The following AGBL1 variants were observed in gnomAD, a reference collection of about 807,000 sequenced individuals.
The protein encoded by AGBL1 is AGBL carboxypeptidase 1.
AGBL1 carries 130 observed loss-of-function variants against 118.9 expected under a neutral mutation model. The observed-to-expected ratio is 1.09, with a 90% CI of 0.95 to 1.26. The LOEUF is 1.26. Ranked by LOEUF, AGBL1 falls within the 50% of genes most tolerant of loss-of-function variation. The pLI is 0.00. For missense variants in AGBL1, 1,584 were observed against 1,298.1 expected (o/e 1.22, Z -3.38); for synonymous variants, 555 against 478.9 (o/e 1.16, Z -2.08).
intron 5 of AGBL1, among the ~76,000 whole-genome samples, chr15:86,215,740 T>C (rs2078177526): frequency 6.6e-6 from 1 of 152,224 alleles, no homozygotes; most frequent in Admixed American, 6.5e-5. Context: ...CAGCAATCTG[T>C]CAAGAAATCC....
intron 22 of AGBL1, among the ~76,000 whole-genome samples, chr15:86,729,499 G>C (rs548220827): frequency 6.6e-6 from 1 of 152,254 alleles, no homozygotes; most frequent in Non-Finnish European, 1.5e-5. Flanking sequence ...TCAGTGTTTA[G>C]CTCCTGCTTA....
At chr15:86,764,101 C>A (rs1179346452) in intron 22 of AGBL1, among the ~76,000 whole-genome samples, 1 of 151,984 alleles carries the variant, frequency 6.6e-6, no homozygotes, top group Non-Finnish European at 1.5e-5. Context: ...ACAGAAGTTG[C>A]TTTACCTTTC....
chr15:86,434,066 T>G (rs1233330755), intron 18 of AGBL1, among the ~76,000 whole-genome samples: 1 of 152,242 alleles, frequency 6.6e-6, no homozygotes, highest in Non-Finnish European at 1.5e-5. Context: ...CAACTGATCC[T>G]TTTATCGTGG....
At chr15:86,963,879 T>A (rs1479009137) in intron 23 of AGBL1, among the ~76,000 whole-genome samples, 9 of 151,916 alleles carry the variant, frequency 5.9e-5, no homozygotes, top group Non-Finnish European at 1.0e-4. Flanking sequence ...AGTTCATACT[T>A]ATAAAGCCAG....
At chr15:86,317,837 A>G (rs1262982291) in intron 17 of AGBL1, among the ~76,000 whole-genome samples, 2 of 152,248 alleles carry the variant, frequency 1.3e-5, no homozygotes, top group Non-Finnish European at 2.9e-5. Context: ...TAAAATAGGA[A>G]TGGGCCAGAT....
chr15:86,851,030 G>A (rs1567206577), intron 22 of AGBL1, among the ~76,000 whole-genome samples: 1 of 152,094 alleles, frequency 6.6e-6, no homozygotes, highest in Non-Finnish European at 1.5e-5. Context: ...AGGCTTTTTG[G>A]TCAATTATTG....
Position 86,095,646 on chromosome 15 carries a change from C to CTTTTTTTTTTTTTTTTTTTTTTTTTTTTT in AGBL1, c.51+15623_51+15624insTTTTTTTTTTTTTTTTTTTTTTTTTTTTT, listed in dbSNP as rs1896319963. Among the ~76,000 whole-genome samples, 2 of 116,684 alleles carry CTTTTTTTTTTTTTTTTTTTTTTTTTTTTT rather than the reference C, an allele frequency of 1.7e-5. 1 individual carries two copies. The highest frequency in any genetic ancestry group is 6.3e-5 in the African/African-American group (2 of 31,940). 76.5% of individuals were successfully genotyped at this position (116,684 alleles called of 152,430 possible). On this transcript the variant is annotated intron_variant, in intron 1 of 22. Transcript: ENST00000614907. ...TCATAATGTCACATGACCTTGGATA[C>CTTTTTTTTTTTTTTTTTTTTTTTTTTTTT]CTTTTTTTTTTTTTTTTTTTTTTTT...
intron 5 of AGBL1, among the ~76,000 whole-genome samples, chr15:86,218,545 G>A (rs528584057): frequency 1.3e-5 from 2 of 152,176 alleles, no homozygotes; most frequent in Non-Finnish European, 2.9e-5. Context: ...TTAACCCACA[G>A]AATATGGCAA....
At chr15:86,488,404 C>G (rs1400631730) in intron 18 of AGBL1, among the ~76,000 whole-genome samples, 3 of 151,600 alleles carry the variant, frequency 2.0e-5, no homozygotes, top group South Asian at 2.1e-4. Flanking sequence ...AGGAGCTGAC[C>G]CAGCTCCAGT....
intron 1 of AGBL1, among the ~76,000 whole-genome samples, chr15:86,110,229 C>A (rs1049914018): frequency 6.6e-6 from 1 of 152,310 alleles, no homozygotes; most frequent in South Asian, 2.1e-4. Context: ...GGGGCACTGA[C>A]CCCTGTGCAG....
intron 21 of AGBL1, among the ~76,000 whole-genome samples, chr15:86,637,685 G>T (rs555652020): frequency 6.6e-6 from 1 of 152,234 alleles, no homozygotes; most frequent in Non-Finnish European, 1.5e-5. Flanking sequence ...CAATGAGGGT[G>T]GCAGGGGTGG....
chr15:86,546,632 A>G (rs1402617729), intron 20 of AGBL1, among the ~76,000 whole-genome samples: 1 of 152,170 alleles, frequency 6.6e-6, no homozygotes, highest in Non-Finnish European at 1.5e-5. Context: ...TAAACCATCT[A>G]CATCTCTCTG....
chr15:86,148,503 G>A (rs981455187), intron 3 of AGBL1, among the ~76,000 whole-genome samples: 1 of 152,086 alleles, frequency 6.6e-6, no homozygotes, highest in Non-Finnish European at 1.5e-5. Context: ...TAGCCAATTC[G>A]ATCAAGTGGA....
At chr15:86,412,903 A>C (rs905912280) in intron 18 of AGBL1, among the ~76,000 whole-genome samples, 2 of 152,156 alleles carry the variant, frequency 1.3e-5, no homozygotes, top group African/African-American at 2.4e-5. Flanking sequence ...TTCTCACACA[A>C]CCCTCTGTGG....
rs550953012 is a variant in AGBL1 at position 86,272,608 on chromosome 15, G to A, written c.2075+902G>A. On this transcript the variant is annotated intron_variant, in intron 15 of 22. Transcript: ENST00000614907. Reference sequence around the variant, plus strand: ...AGAGTATATACCCTTATGCCTCTTGGCTTTTGAGACTTTGAAGATAGGAGT... The same window carrying A: ...AGAGTATATACCCTTATGCCTCTTGACTTTTGAGACTTTGAAGATAGGAGT... 9.2e-5 allele frequency among the ~76,000 whole-genome samples: 14 copies of A among 152,232 alleles called. No homozygotes were observed. The South Asian group carries it at 2.7e-3, about 29-fold the overall frequency.
chr15:86,241,444 A>G (rs1163104443), intron 6 of AGBL1, among the ~76,000 whole-genome samples: 1 of 152,216 alleles, frequency 6.6e-6, no homozygotes, highest in Non-Finnish European at 1.5e-5. Context: ...TCAGTTCAGA[A>G]CGCTAAGTGT....
At chr15:86,997,042 AAAAAG>A (rs1199010512) in intron 24 of AGBL1, among the ~76,000 whole-genome samples, 1 of 151,458 alleles carries the variant, frequency 6.6e-6, no homozygotes, top group African/African-American at 2.4e-5. Context: ...AAGAAAGAAA[AAAAAG>A]AGACATGAAT....
At chr15:86,581,805 T>C (rs2084176234) in intron 21 of AGBL1, among the ~76,000 whole-genome samples, 1 of 152,142 alleles carries the variant, frequency 6.6e-6, no homozygotes, top group Non-Finnish European at 1.5e-5. Flanking sequence ...TCAGGAAATA[T>C]AAAATAAATT....
At chr15:86,290,274 TC>T (rs2141755823) in intron 16 of AGBL1, among the ~76,000 whole-genome samples, 1 of 152,078 alleles carries the variant, frequency 6.6e-6, no homozygotes, top group African/African-American at 2.4e-5. Flanking sequence ...TTTATTTTAG[TC>T]TTTTTATATT....
Sources: gnomAD v4.1 joint callset for allele counts (sites outside exome capture counted in the v4.1 genomes callset) on GRCh38, gnomAD v4.1.1 for gene constraint, MANE v1.5 for transcripts, NCBI Gene and HGNC (gene_info 2026-07-23, HGNC 2026-07-21) for gene names.